The following SUPT3H variants were observed in gnomAD, a reference collection of about 807,000 sequenced individuals.
The protein encoded by SUPT3H is transcription initiation protein SPT3 homolog.
In SUPT3H, 44 loss-of-function variants were observed where a neutral mutation model predicts 44.3. That is an observed-to-expected ratio of 0.99 (90% CI 0.78 to 1.28). SUPT3H has a LOEUF of 1.28. SUPT3H is among the 50% of genes most tolerant of loss of function. The pLI is 0.00. For missense variants in SUPT3H, 380 were observed against 387.1 expected, an observed-to-expected ratio of 0.98 and a Z score of 0.15; for synonymous variants, 124 against 125.6, an observed-to-expected ratio of 0.99 and a Z score of 0.09.
chr6:44,885,649 A>G (rs1762135009), intron 10 of SUPT3H, among the ~76,000 whole-genome samples: 1 of 152,126 alleles, frequency 6.6e-6, no homozygotes, highest in East Asian at 1.9e-4. Context: ...AAGAAGACAA[A>G]ACCACAAAGA....
intron 2 of SUPT3H, among the ~76,000 whole-genome samples, chr6:45,284,359 AAAG>A (rs1387024041): frequency 3.3e-5 from 5 of 152,312 alleles, no homozygotes; most frequent in African/African-American, 1.2e-4. Context: ...CAAGACTAAT[AAAG>A]AAGAAGTGAG....
intron 2 of SUPT3H, among the ~76,000 whole-genome samples, chr6:45,340,199 GA>G (rs1238375078): frequency 6.6e-6 from 1 of 152,062 alleles, no homozygotes; most frequent in Non-Finnish European, 1.5e-5. Context: ...ATACAAACAA[GA>G]AGATAATCCT....
chr6:45,011,453 C>A (rs903762360), intron 5 of SUPT3H, among the ~76,000 whole-genome samples: 1 of 152,002 alleles, frequency 6.6e-6, no homozygotes, highest in Non-Finnish European at 1.5e-5. Flanking sequence ...GTTATATTAA[C>A]CATTTTATTT....
intron 6 of SUPT3H, among the ~76,000 whole-genome samples, chr6:44,974,775 T>C (rs1367045212): frequency 6.6e-6 from 1 of 152,230 alleles, no homozygotes; most frequent in Admixed American, 6.5e-5. Context: ...CAAATGTTGC[T>C]ATATTTAACT....
chr6:45,352,334 A>T (rs1036027240), intron 2 of SUPT3H, among the ~76,000 whole-genome samples: 12 of 152,172 alleles, frequency 7.9e-5, no homozygotes, highest in Admixed American at 2.0e-4. Context: ...AAGATCAAGT[A>T]GTTTTTTTCA....
At chr6:44,916,797 T>C (rs1463514254) in intron 10 of SUPT3H, among the ~76,000 whole-genome samples, 1 of 152,154 alleles carries the variant, frequency 6.6e-6, no homozygotes, top group Non-Finnish European at 1.5e-5. Context: ...TTAAGCACAG[T>C]GCTGGAAGCT....
At chr6:45,220,691 A>C (rs1026949938) in intron 2 of SUPT3H, among the ~76,000 whole-genome samples, 1 of 152,224 alleles carries the variant, frequency 6.6e-6, no homozygotes, top group Admixed American at 6.5e-5. Context: ...AAGAATCTAC[A>C]AAAGCCTCCT....
At position 44,826,966 on chromosome 6, in the gene SUPT3H, A is replaced by AGAAG. The variant is rs1443979440; in HGVS notation, c.*2846_*2849dup. ...TTTGAATCACAACGATTACAATCTA[A>AGAAG]GAAGGCAGGAAAGCTAATGGCATAA... On this transcript the variant is annotated 3_prime_UTR_variant, in exon 11 of 11. Coordinates refer to ENST00000371459, the MANE Select transcript of SUPT3H (RefSeq NM_003599.4). Among the ~76,000 whole-genome samples, 1 of 152,216 alleles carries AGAAG rather than the reference A, an allele frequency of 6.6e-6. No individual in the cohort carries two copies. The highest frequency in any genetic ancestry group is 1.9e-4 in the East Asian group (1 of 5,202).
At chr6:44,849,611 A>G (rs1219139636) in intron 10 of SUPT3H, among the ~76,000 whole-genome samples, 1 of 152,220 alleles carries the variant, frequency 6.6e-6, no homozygotes, top group Admixed American at 6.5e-5. Context: ...CTAAGCATTT[A>G]GGCTGAATTA....
At chr6:45,327,146 C>T (rs1786491952) in intron 2 of SUPT3H, among the ~76,000 whole-genome samples, 1 of 151,818 alleles carries the variant, frequency 6.6e-6, no homozygotes, top group South Asian at 2.1e-4. Flanking sequence ...AGATAGTTTC[C>T]CAAAGATGTT....
chr6:44,957,078 G>A (rs1303994406), intron 7 of SUPT3H, among the ~76,000 whole-genome samples: 1 of 152,124 alleles, frequency 6.6e-6, no homozygotes, highest in East Asian at 1.9e-4. Context: ...TAACCTAGAG[G>A]GAAAGATTGA....
rs367844794 is a variant in SUPT3H, at chr6:45,028,532, ATT to A, written c.187-7902_187-7901del. On this transcript the variant is annotated intron_variant, in intron 3 of 10. Transcript: ENST00000371459. ...CTTGTAAGTTTATACACTTAAAATTATTTTGTTATTTAGTGGAGTTTTCAGAG... is the reference window on the plus strand; with the variant it reads ...CTTGTAAGTTTATACACTTAAAATTATTGTTATTTAGTGGAGTTTTCAGAG... Among the ~76,000 whole-genome samples the A allele has an allele frequency of 2.6e-3, 387 of 151,674 alleles. 2 individuals are homozygous for A. The highest frequency in any genetic ancestry group is 8.5e-3 in the African/African-American group (353 of 41,344).
At chr6:45,036,116 G>A (rs751720493) in intron 3 of SUPT3H, among the ~76,000 whole-genome samples, 2 of 152,074 alleles carry the variant, frequency 1.3e-5, no homozygotes, top group Non-Finnish European at 2.9e-5. Context: ...AACAGATAAC[G>A]CCCATGTTGT....
intron 10 of SUPT3H, among the ~76,000 whole-genome samples, chr6:44,853,160 T>G (rs1773172229): frequency 6.6e-6 from 1 of 152,212 alleles, no homozygotes; most frequent in Non-Finnish European, 1.5e-5. Flanking sequence ...ATTAACTTAT[T>G]TAGTCCTTAT....
At chr6:45,281,239 T>C (rs571004355) in intron 2 of SUPT3H, among the ~76,000 whole-genome samples, 1 of 152,198 alleles carries the variant, frequency 6.6e-6, no homozygotes, top group African/African-American at 2.4e-5. Context: ...TGTCAGACAG[T>C]GGGGACAGGA....
At chr6:45,159,772 C>T (rs1808632601) in intron 2 of SUPT3H, among the ~76,000 whole-genome samples, 1 of 152,100 alleles carries the variant, frequency 6.6e-6, no homozygotes. Flanking sequence ...GTTGTTCTTG[C>T]TCTTTATTTT....
intron 1 of SUPT3H, among the ~76,000 whole-genome samples, chr6:45,374,715 A>T (rs1417984344): frequency 2.0e-5 from 3 of 152,216 alleles, no homozygotes; most frequent in Non-Finnish European, 2.9e-5. Context: ...TTTGACTGAC[A>T]TAGACTACCA....
intron 10 of SUPT3H, among the ~76,000 whole-genome samples, chr6:44,833,544 AACTT>A (rs566383170): frequency 1.8e-3 from 270 of 152,264 alleles, no homozygotes; most frequent in African/African-American, 5.7e-3. Context: ...ATTTAATTTG[AACTT>A]ACTTACACTT....
intron 2 of SUPT3H, among the ~76,000 whole-genome samples, chr6:45,264,913 G>A (rs1471300598): frequency 6.6e-6 from 1 of 151,472 alleles, no homozygotes; most frequent in Non-Finnish European, 1.5e-5. Flanking sequence ...AGTGAGAGAA[G>A]GCAAAACATA....
Sources: gnomAD v4.1 joint callset for allele counts (sites outside exome capture counted in the v4.1 genomes callset) on GRCh38, gnomAD v4.1.1 for gene constraint, MANE v1.5 for transcripts, NCBI Gene and HGNC (gene_info 2026-07-23, HGNC 2026-07-21) for gene names.